Variants in CCDC12 observed in about 807,000 individuals in gnomAD.
CCDC12 encodes coiled-coil domain-containing protein 12.
In CCDC12, 28 loss-of-function variants were observed where a neutral mutation model predicts 25.7. The ratio of observed to expected loss-of-function variants is 1.09; its 90% confidence interval spans 0.81 to 1.50. The LOEUF is 1.50. Ranked by LOEUF, CCDC12 falls within the 40% of genes most tolerant of loss-of-function variation. The pLI is 0.00. For missense variants in CCDC12, 198 were observed against 210.0 expected (o/e 0.94, Z 0.35); for synonymous variants, 75 against 87.7 (o/e 0.86, Z 0.81).
chr3:46,947,890 G>A (rs1323933321), intron 1 of CCDC12, among the ~76,000 whole-genome samples: 1 of 152,198 alleles, frequency 6.6e-6, no homozygotes, highest in Non-Finnish European at 1.5e-5. Flanking sequence ...CTACAAAAAT[G>A]AGGATAATCA....
chr3:46,931,623 G>T (rs1559550588), intron 2 of CCDC12, among the ~76,000 whole-genome samples: 1 of 115,640 alleles, frequency 8.6e-6, no homozygotes, highest in African/African-American at 2.9e-5. Context: ...GAGGGAGGCA[G>T]AGAGGATAAG....
At chr3:46,929,355 C>T (rs1412681152) in intron 2 of CCDC12, among the ~76,000 whole-genome samples, 1 of 152,220 alleles carries the variant, frequency 6.6e-6, no homozygotes, top group Non-Finnish European at 1.5e-5. Context: ...AGTAGGACAA[C>T]AGGTTCACAC....
chr3:46,951,643 G>A (rs900722458), intron 1 of CCDC12, among the ~76,000 whole-genome samples: 8 of 149,012 alleles, frequency 5.4e-5, no homozygotes, highest in Non-Finnish European at 1.0e-4. Flanking sequence ...AGCCGGGCGT[G>A]GTGGCGGGCA....
At chr3:46,981,583 C>G (rs1421334658), upstream of CCDC12, among the ~76,000 whole-genome samples, 1 of 152,228 alleles carries the variant, frequency 6.6e-6, no homozygotes, top group East Asian at 1.9e-4. Context: ...CTCGCCCCAG[C>G]TTCTCTGCCT....
At chr3:46,969,901 CTTTTTTT>C (rs58273135) in intron 1 of CCDC12, among the ~76,000 whole-genome samples, 1 of 111,224 alleles carries the variant, frequency 9.0e-6, no homozygotes. Context: ...AGCCATATTT[CTTTTTTT>C]TTTTTTTTTT....
chr3:46,947,425 G>C (rs918891423), intron 1 of CCDC12, among the ~76,000 whole-genome samples: 1 of 152,188 alleles, frequency 6.6e-6, no homozygotes, highest in Non-Finnish European at 1.5e-5. Context: ...TGTGTTCCAA[G>C]GGCACTTAGC....
At chr3:46,950,060 C>T (rs1052565012) in intron 1 of CCDC12, among the ~76,000 whole-genome samples, 1 of 151,706 alleles carries the variant, frequency 6.6e-6, no homozygotes, top group South Asian at 2.1e-4. Flanking sequence ...AAAAAAACTG[C>T]CTGCTGACAT....
chr3:46,930,635 C>T (rs187040401), intron 2 of CCDC12, among the ~76,000 whole-genome samples: 4 of 152,338 alleles, frequency 2.6e-5, no homozygotes, highest in Admixed American at 2.6e-4. Flanking sequence ...CACTGGCCCT[C>T]CCTCTGACTC....
chr3:46,947,761 C>G (rs2033962624), intron 1 of CCDC12, among the ~76,000 whole-genome samples: 1 of 152,230 alleles, frequency 6.6e-6, no homozygotes, highest in Admixed American at 6.5e-5. Flanking sequence ...ACACCAACTA[C>G]AGCAGGCACA....
At chr3:46,931,359 G>A (rs2033204937) in intron 2 of CCDC12, among the ~76,000 whole-genome samples, 1 of 152,328 alleles carries the variant, frequency 6.6e-6, no homozygotes, top group Non-Finnish European at 1.5e-5. Context: ...GAAAGTTGAT[G>A]TTCTCTGTCA....
chr3:46,922,772 A>G, intron 5 of CCDC12: 1 of 211,614 alleles, frequency 4.7e-6, no homozygotes, highest in South Asian at 8.4e-5. Flanking sequence ...CTTTTGTTTC[A>G]TCAAATTAAA....
Position 46,940,991 on chromosome 3 carries a change from G to A in CCDC12, c.164+7C>T, listed in dbSNP as rs1432137008. The A allele has an allele frequency of 6.2e-7, 1 of 1,613,714 alleles. No homozygotes were observed. The highest frequency in any genetic ancestry group is 2.2e-5 in the East Asian group (1 of 44,880). On this transcript the variant is annotated splice_region_variant and intron_variant, in intron 2 of 6. Coordinates refer to ENST00000683445, the MANE Select transcript of CCDC12 (RefSeq NM_001277074.2). ...GAGCAGACCCTGGAGCTGCACACGG[G>A]CATTACCTGTGCTTCTCGCCTTCTT...
intron 1 of CCDC12, among the ~76,000 whole-genome samples, chr3:46,961,681 T>G (rs924240081): frequency 6.6e-6 from 1 of 152,252 alleles, no homozygotes; most frequent in African/African-American, 2.4e-5. Flanking sequence ...TACAAGGAAC[T>G]GCCTGTCCAC....
intron 1 of CCDC12, among the ~76,000 whole-genome samples, chr3:46,963,815 C>G (rs1422286189): frequency 6.6e-6 from 1 of 152,266 alleles, no homozygotes; most frequent in African/African-American, 2.4e-5. Flanking sequence ...ACAACCTCCA[C>G]CTCCCAGCCG....
chr3:46,970,274 AT>A (rs1341646382), intron 1 of CCDC12, among the ~76,000 whole-genome samples: 4 of 24,096 alleles, frequency 1.7e-4, no homozygotes, highest in Non-Finnish European at 4.2e-4. Flanking sequence ...ATTATGAGAT[AT>A]TTTTTGTGAT....
chr3:46,935,288 G>A (rs1370332828), intron 2 of CCDC12, among the ~76,000 whole-genome samples: 1 of 152,162 alleles, frequency 6.6e-6, no homozygotes, highest in Non-Finnish European at 1.5e-5. Context: ...GGGAGGTCGG[G>A]ACTTGCTTGT....
intron 1 of CCDC12, among the ~76,000 whole-genome samples, chr3:46,955,475 A>G (rs2891893): frequency 0.94 from 143,748 of 152,128 alleles, 68,477 homozygotes; most frequent in East Asian, 1. Flanking sequence ...AACACCTGGA[A>G]GGCCAGCCAG....
At chr3:46,980,219 C>T (rs2107231751), upstream of CCDC12, among the ~76,000 whole-genome samples, 1 of 152,326 alleles carries the variant, frequency 6.6e-6, no homozygotes, top group South Asian at 2.1e-4. Context: ...CCGAGGCGGC[C>T]GGACACTTGG....
chr3:46,979,685 C>T, upstream of CCDC12: 1 of 315,390 alleles, frequency 3.2e-6, no homozygotes, highest in Non-Finnish European at 5.8e-6. Flanking sequence ...GAGGAGCGAG[C>T]AGACTTGGGT....
Sources: allele counts gnomAD v4.1 joint callset (sites outside exome capture counted in the v4.1 genomes callset), GRCh38; gene constraint gnomAD v4.1.1; transcripts MANE v1.5; gene names NCBI Gene and HGNC (gene_info 2026-07-23, HGNC 2026-07-21).